FRMD6: variants seen among roughly 807,000 people sequenced by gnomAD.
FRMD6 encodes FERM domain-containing protein 6.
A neutral mutation model predicts 73.2 loss-of-function variants in FRMD6; 37 were observed. The ratio of observed to expected loss-of-function variants is 0.51; its 90% CI spans 0.39 to 0.66. The LOEUF is 0.66. Ranked by LOEUF, FRMD6 falls within the 30% of genes least tolerant of loss-of-function variation. FRMD6 has a pLI of 0.00. For missense variants in FRMD6, 714 were observed against 780.5 expected, an observed-to-expected ratio of 0.91 and a Z score of 1.02; for synonymous variants, 273 against 282.2, an observed-to-expected ratio of 0.97 and a Z score of 0.33.
intron 1 of FRMD6, among the ~76,000 whole-genome samples, chr14:51,508,602 AAAGGCT>A (rs1231724112): frequency 6.6e-6 from 1 of 152,248 alleles, no homozygotes; most frequent in African/African-American, 2.4e-5. Flanking sequence ...CAGTTTCTCA[AAAGGCT>A]AAGGCATTTT....
chr14:51,525,559 A>G (rs1271186454), intron 1 of FRMD6, among the ~76,000 whole-genome samples: 1 of 152,166 alleles, frequency 6.6e-6, no homozygotes, highest in Non-Finnish European at 1.5e-5. Context: ...CTGGGATTAC[A>G]GGTGTGAGCC....
At chr14:51,562,793 T>G (rs1375481616) in intron 1 of FRMD6, among the ~76,000 whole-genome samples, 1 of 152,218 alleles carries the variant, frequency 6.6e-6, no homozygotes, top group Non-Finnish European at 1.5e-5. Context: ...TATTAATGGC[T>G]CCAGCTACTA....
chr14:51,613,582 TC>T (rs1890596784), intron 2 of FRMD6, among the ~76,000 whole-genome samples: 1 of 152,150 alleles, frequency 6.6e-6, no homozygotes, highest in Non-Finnish European at 1.5e-5. Flanking sequence ...GTTAGAGGTT[TC>T]CAAGGCAGCG....
chr14:51,700,990 T>C (rs1896273531), intron 3 of FRMD6, 66 bp from the exon 4 acceptor site: 15 of 722,462 alleles, frequency 2.1e-5, no homozygotes, highest in Admixed American at 1.4e-4. Flanking sequence ...ACTTGTTTCT[T>C]TCTATATTTT....
In FRMD6 at chr14:51,718,021, A is replaced by G. The variant is rs144275003; in HGVS notation, c.1025-2034A>G. Among the ~76,000 whole-genome samples the G allele has an allele frequency of 6.6e-5, 10 of 152,364 alleles. No individual in the cohort carries two copies. The East Asian group carries it at 1.9e-3, about 29-fold the overall frequency. On this transcript the variant is annotated intron_variant, in intron 10 of 13. Transcript: ENST00000344768. The stretch of plus-strand genomic sequence containing the variant: ...CTCATTGTCTCTGGGCTTTTACAAC[A>G]GAGGGAGTAAAAAGAGCACAGGCAT...
the FRMD6 span, among the ~76,000 whole-genome samples, chr14:51,449,798 G>A: frequency 6.6e-6 from 1 of 152,130 alleles, no homozygotes; most frequent in South Asian, 2.1e-4. Context: ...ACAGCTGATG[G>A]TTCCTGGGTC....
At chr14:51,717,174 T>G (rs1897284609) in intron 10 of FRMD6, 1 of 148,486 alleles carries the variant, frequency 6.7e-6, no homozygotes. Flanking sequence ...GTAGGTGTCT[T>G]TGTTTGTTTT....
rs1399345804 is a variant in FRMD6 at position 51,720,289 on chromosome 14, A to G, written c.1259A>G (p.Lys420Arg). The change falls in exon 11 of 14, where the codon AAG becomes AGG. Residue 420 changes from lysine to arginine, a missense_variant. Physicochemically the swap from Lys to Arg is conservative, Grantham distance 26 (BLOSUM62 2). Coordinates refer to ENST00000344768, the MANE Select transcript of FRMD6 (RefSeq NM_001267046.2). ...DSYSSSAIHR[K>R]LKTCSSMTSH... ...TACTCCAGCAGTGCCATCCACCGCA[A>G]GCTGAAAACCTGCAGCTCAATGACC... 6.2e-7 allele frequency: 1 copy of G among 1,613,924 alleles called. No homozygotes were observed. The highest frequency in any genetic ancestry group is 8.5e-7 in the Non-Finnish European group (1 of 1,180,006).
the FRMD6 span, among the ~76,000 whole-genome samples, chr14:51,417,963 T>G: frequency 1.3e-5 from 2 of 152,230 alleles, no homozygotes; most frequent in Non-Finnish European, 2.9e-5. Flanking sequence ...AGCTTGTGCA[T>G]GTGTCATGTA....
intron 2 of FRMD6, among the ~76,000 whole-genome samples, chr14:51,599,067 T>TTTTTTTTTTTTTTTTTTTTTTTTC (rs1889884407): frequency 7.2e-6 from 1 of 138,898 alleles, no homozygotes; most frequent in Non-Finnish European, 1.5e-5. Flanking sequence ...TCTTTTTTTT[T>TTTTTTTTTTTTTTTTTTTTTTTTC]TTTTTTTTTT....
intron 1 of FRMD6, among the ~76,000 whole-genome samples, chr14:51,667,453 T>C (rs1481405022): frequency 6.6e-6 from 1 of 152,186 alleles, no homozygotes; most frequent in African/African-American, 2.4e-5. Flanking sequence ...TTTTGTGTGG[T>C]TGCGTATGTT....
chr14:51,419,007 G>C, the FRMD6 span, among the ~76,000 whole-genome samples: 1 of 152,344 alleles, frequency 6.6e-6, no homozygotes, highest in Non-Finnish European at 1.5e-5. Context: ...ATAATCTCCT[G>C]GTGTGCCATT....
At chr14:51,521,194 G>A (rs1012578170) in intron 1 of FRMD6, among the ~76,000 whole-genome samples, 4 of 152,244 alleles carry the variant, frequency 2.6e-5, no homozygotes, top group Middle Eastern at 3.4e-3. Flanking sequence ...TCACACAGAC[G>A]TATACATTTG....
intron 2 of FRMD6, among the ~76,000 whole-genome samples, chr14:51,609,754 G>A (rs896404440): frequency 7.9e-5 from 12 of 152,180 alleles, no homozygotes; most frequent in African/African-American, 2.9e-4. Flanking sequence ...AGTCTGGATT[G>A]TGTAGGGCCT....
At chr14:51,633,279 T>C (rs996136789) in intron 2 of FRMD6, among the ~76,000 whole-genome samples, 1 of 152,004 alleles carries the variant, frequency 6.6e-6, no homozygotes, top group Non-Finnish European at 1.5e-5. Context: ...CCTCCTCTTT[T>C]TTTTTTTTAT....
the FRMD6 span, among the ~76,000 whole-genome samples, chr14:51,453,279 G>A: frequency 5.9e-5 from 9 of 152,060 alleles, no homozygotes; most frequent in African/African-American, 2.2e-4. Context: ...TTGAGTCGGG[G>A]GCTGGCAGGG....
intron 1 of FRMD6, among the ~76,000 whole-genome samples, chr14:51,543,402 G>A (rs1886300804): frequency 6.6e-6 from 1 of 151,796 alleles, no homozygotes; most frequent in Non-Finnish European, 1.5e-5. Context: ...AAGGGTTAAA[G>A]AAAAATAAAA....
At chr14:51,660,987 G>A (rs1771633574) in intron 1 of FRMD6, among the ~76,000 whole-genome samples, 1 of 152,184 alleles carries the variant, frequency 6.6e-6, no homozygotes, top group South Asian at 2.1e-4. Context: ...GAGAGAAGGA[G>A]TAGTAGATAA....
intron 1 of FRMD6, among the ~76,000 whole-genome samples, chr14:51,555,964 T>G (rs1014774225): frequency 2.6e-5 from 4 of 152,208 alleles, no homozygotes; most frequent in African/African-American, 9.6e-5. Context: ...ACAAGAGATA[T>G]GCAGAGGCAC....
Sources: gnomAD v4.1 joint callset for allele counts (sites outside exome capture counted in the v4.1 genomes callset) on GRCh38, gnomAD v4.1.1 for gene constraint, MANE v1.5 for transcripts, NCBI Gene and HGNC (gene_info 2026-07-23, HGNC 2026-07-21) for gene names.